CACNA1H: variants seen among roughly 807,000 people sequenced by gnomAD.
CACNA1H encodes the protein voltage-dependent T-type calcium channel subunit alpha-1H.
CACNA1H carries 149 observed loss-of-function variants against 192.5 expected under a neutral mutation model. That is an observed-to-expected ratio of 0.77 (90% confidence interval 0.68 to 0.89). The LOEUF is 0.89. Ranked by LOEUF, CACNA1H falls within the 40% of genes least tolerant of loss-of-function variation. The probability of loss-of-function intolerance (pLI) is 0.00; values close to 1 mark genes in which losing one functional copy is unlikely to be tolerated. For missense variants in CACNA1H, 4,257 were observed against 3,423.5 expected, an observed-to-expected ratio of 1.24 and a Z score of -6.08; for synonymous variants, 2,202 against 1,475.2, an observed-to-expected ratio of 1.49 and a Z score of -11.29.
At chr16:1,205,642 C>G (rs566463378) in intron 11 of CACNA1H, among the ~76,000 whole-genome samples, 1 of 152,206 alleles carries the variant, frequency 6.6e-6, no homozygotes, top group Admixed American at 6.5e-5. Flanking sequence ...GGAGCATTTG[C>G]TACAAGAAAA....
Position 1,204,436 on chromosome 16 carries a change from T to C in CACNA1H, c.2429T>C (p.Met810Thr). 1.3e-6 allele frequency: 2 copies of C among 1,544,634 alleles called. No individual in the cohort carries two copies. The highest frequency in any genetic ancestry group is 1.7e-6 in the Non-Finnish European group (2 of 1,146,350). The change falls in exon 10 of 35, where the codon ATG becomes ACG. Residue 810 changes from methionine (M) to threonine (T), a missense_variant. Met to Thr is a moderately conservative substitution (Grantham distance 81). Transcript: ENST00000348261. ...GCCATCCTTGTCAACACGCTGAGCA[T>C]GGGCGTGGAGTACCATGAGCAGGTG... is the stretch of plus-strand genomic sequence containing the variant. The part of the protein sequence containing the change: ...MMAILVNTLS[M>T]GVEYHEQPEE...
chr16:1,192,671 C>CCAGGTAG (rs997507431), intron 2 of CACNA1H, among the ~76,000 whole-genome samples: 25 of 152,278 alleles, frequency 1.6e-4, no homozygotes, highest in Non-Finnish European at 3.2e-4. Context: ...GGCCTTGTGT[C>CCAGGTAG]CAGGTAGCCC....
At chr16:1,177,766 A>C (rs1312152894) in intron 2 of CACNA1H, among the ~76,000 whole-genome samples, 1 of 150,904 alleles carries the variant, frequency 6.6e-6, no homozygotes, top group Non-Finnish European at 1.5e-5. Flanking sequence ...CTGTGTCCTC[A>C]CCTGGTGGGA....
rs1191929082 is a variant in CACNA1H at position 1,209,103 on chromosome 16, G to C, written c.3435G>C (p.Trp1145Cys). ...CCTGGAGCAGCCGGCGCTCCAGCTG[G>C]AGCAGCCTGGGCCGTGCCCCCAGCC... is the stretch of plus-strand genomic sequence containing the variant. The part of the protein sequence containing the change: ...SGAWSSRRSS[W>C]SSLGRAPSLK... Residue 1145 changes from tryptophan to cysteine, a missense_variant, in exon 17 of 35, where the codon TGG (tryptophan) becomes TGC (cysteine). Transcript: ENST00000348261. 1 of 1,551,336 alleles carries C rather than the reference G, an allele frequency of 6.4e-7. No homozygotes were observed. Among genetic ancestry groups the C allele is most frequent in the Non-Finnish European group, 8.7e-7 (1 of 1,150,746 alleles).
chr16:1,156,546 G>T (rs181964228), intron 2 of CACNA1H, among the ~76,000 whole-genome samples: 2 of 152,178 alleles, frequency 1.3e-5, no homozygotes, highest in Non-Finnish European at 2.9e-5. Flanking sequence ...CGGCAGGGGC[G>T]GTGGGCGACT....
intron 20 of CACNA1H, 46 bp from the exon 21 acceptor site, chr16:1,210,741 A>G (rs756033407): frequency 1.9e-6 from 3 of 1,588,520 alleles, no homozygotes; most frequent in Non-Finnish European, 2.6e-6. Flanking sequence ...AGCTCCCCAG[A>G]CCCCCCACGC....
At chr16:1,218,733 G>A in intron 33 of CACNA1H, 82 bp downstream of exon 33, 4 of 1,333,734 alleles carry the variant, frequency 3.0e-6, no homozygotes, top group Non-Finnish European at 4.1e-6. Flanking sequence ...GGGAGGATGG[G>A]GTCAGGCCAG....
At chr16:1,203,700 A>AGTCCCCGGCTTGTCGACAC (rs1203000042) in intron 9 of CACNA1H, among the ~76,000 whole-genome samples, 2 of 152,180 alleles carry the variant, frequency 1.3e-5, no homozygotes, top group Non-Finnish European at 2.9e-5. Flanking sequence ...CGGTTTTGCA[A>AGTCCCCGGCTTGTCGACAC]GTCCCCGGCT....
At chr16:1,212,211 A>G in intron 25 of CACNA1H, 73 bp downstream of exon 25, 2 of 1,505,248 alleles carry the variant, frequency 1.3e-6, no homozygotes, top group Non-Finnish European at 1.8e-6. Flanking sequence ...CAGCCCCTCC[A>G]CTCCCGCCCC....
In CACNA1H at chr16:1,202,074, G is replaced by C. The variant is rs761025927; in HGVS notation, c.1624G>C (p.Glu542Gln). 1 of 1,540,812 alleles carries C rather than the reference G, an allele frequency of 6.5e-7. No individual in the cohort carries two copies. The highest frequency in any genetic ancestry group is 1.2e-5 in the South Asian group (1 of 83,918). The part of the protein sequence containing the change: ...SHGSPRRPGP[E>Q]PGACDTRLVR... ...TGGCAGCCCCCGCAGGCCCGGCCCC[G>C]AGCCAGGCGCCTGCGACACCAGGCT... Residue 542 changes from glutamate to glutamine, a missense_variant, in exon 9 of 35, where the codon GAG becomes CAG. By Grantham distance (29) the Glu-to-Gln change is conservative. Transcript: ENST00000348261.
intron 2 of CACNA1H, among the ~76,000 whole-genome samples, chr16:1,189,030 G>A (rs1275847612): frequency 6.7e-6 from 1 of 149,632 alleles, no homozygotes; most frequent in Non-Finnish European, 1.5e-5. Context: ...ACCTTGGTGT[G>A]AGCCACCATG....
intron 5 of CACNA1H, among the ~76,000 whole-genome samples, chr16:1,197,951 G>A (rs896585707): frequency 2.0e-5 from 3 of 152,164 alleles, no homozygotes; most frequent in Non-Finnish European, 1.5e-5. Flanking sequence ...TAGCACCCAG[G>A]ACCGATGGCT....
Position 1,207,805 on chromosome 16 carries a change from G to C in CACNA1H, c.3099G>C (p.Lys1033Asn). ...ACAGATCCGACACGGACGAGGACAA[G>C]ACGTCGGTCCACTTCGAGGAGGACT... ...DANRSDTDED[K>N]TSVHFEEDFH... The change falls in exon 15 of 35, where the codon AAG (lysine) becomes AAC (asparagine). Residue 1033 changes from lysine (K) to asparagine (N), a missense_variant. Lys to Asn is a moderately conservative substitution (Grantham distance 94). Transcript: ENST00000348261. 1.2e-6 allele frequency: 2 copies of C among 1,603,626 alleles called. No homozygotes were observed. Among genetic ancestry groups the C allele is most frequent in the Non-Finnish European group, 1.7e-6 (2 of 1,175,326 alleles).
chr16:1,202,098 C>G lies in CACNA1H; in HGVS notation c.1648C>G (p.Leu550Val). The G allele has an allele frequency of 6.5e-7, 1 of 1,544,710 alleles. No homozygotes were observed. Among genetic ancestry groups the G allele is most frequent in the African/African-American group, 1.4e-5 (1 of 73,120 alleles). ...GPEPGACDTR[L>V]VRAGAPPSPP... ...CGAGCCAGGCGCCTGCGACACCAGG[C>G]TGGTCCGAGCTGGCGCGCCCCCCTC... Residue 550 changes from leucine to valine, a missense_variant, in exon 9 of 35, where the codon CTG becomes GTG. Coordinates refer to ENST00000348261, the MANE Select transcript of CACNA1H (RefSeq NM_021098.3).
rs960407201 is a variant in CACNA1H at position 1,187,558 on chromosome 16, G to C, written c.300-7414G>C. 2.0e-5 allele frequency among the ~76,000 whole-genome samples: 3 copies of C among 152,238 alleles called. No homozygotes were observed. The East Asian group carries it at 5.8e-4, about 29-fold the overall frequency. ...TCAGCTGGCTGAGCAGATTGCTCTA[G>C]GGGACAGCGGGTGGGGCAGGAACGG... On this transcript the variant is annotated intron_variant, in intron 2 of 34. Coordinates refer to ENST00000348261, the MANE Select transcript of CACNA1H (RefSeq NM_021098.3).
Position 1,220,819 on chromosome 16 carries a change from C to T in CACNA1H, c.6887C>T (p.Ser2296Phe), listed in dbSNP as rs747114776. Residue 2296 changes from serine to phenylalanine, a missense_variant, in exon 35 of 35, where the codon TCT (serine) becomes TTT (phenylalanine). Ser to Phe is a radical substitution (Grantham distance 155). Coordinates refer to ENST00000348261, the MANE Select transcript of CACNA1H (RefSeq NM_021098.3). ...HSVTPESRAS[S>F]SGAIVPLEPP... ...GTGACCCCAGAATCCAGAGCTTCCT[C>T]TTCAGGGGCCATAGTGCCCCTGGAA... 39 of 1,612,720 alleles carry T rather than the reference C, an allele frequency of 2.4e-5. No individual in the cohort carries two copies. Among genetic ancestry groups the T allele is most frequent in the African/African-American group, 1.2e-4 (9 of 74,914 alleles).
intron 5 of CACNA1H, among the ~76,000 whole-genome samples, chr16:1,197,856 G>A (rs190510522): frequency 1.7e-4 from 26 of 152,296 alleles, no homozygotes; most frequent in Admixed American, 1.5e-3. Flanking sequence ...AGGACGTCTT[G>A]GGGGAGCAGG....
chr16:1,195,549 T>C lies in CACNA1H; in HGVS notation c.529T>C (p.Phe177Leu). Residue 177 changes from phenylalanine (F) to leucine (L), a missense_variant, in exon 4 of 35, where the codon TTC becomes CTC. Coordinates refer to ENST00000348261, the MANE Select transcript of CACNA1H (RefSeq NM_021098.3). The part of the protein sequence containing the change: ...LGDTWNRLDF[F>L]IVVAGMMEYS... ...TGACACGTGGAACAGGCTGGATTTC[T>C]TCATCGTCGTGGCGGGGTAGGCCCC... 3.7e-6 allele frequency: 6 copies of C among 1,603,732 alleles called. No homozygotes were observed. The highest frequency in any genetic ancestry group is 5.1e-6 in the Non-Finnish European group (6 of 1,175,632).
At chr16:1,193,098 C>T (rs777177801) in intron 2 of CACNA1H, among the ~76,000 whole-genome samples, 15 of 152,148 alleles carry the variant, frequency 9.9e-5, no homozygotes, top group Non-Finnish European at 1.3e-4. Context: ...CAGGGAGCAC[C>T]GTTCCCCACA....
Sources: gnomAD v4.1 joint callset for allele counts (sites outside exome capture counted in the v4.1 genomes callset) on GRCh38, gnomAD v4.1.1 for gene constraint, MANE v1.5 for transcripts, NCBI Gene and HGNC (gene_info 2026-07-23, HGNC 2026-07-21) for gene names.